DLG2: variants seen among roughly 807,000 people sequenced by gnomAD.
The protein encoded by DLG2 is disks large homolog 2.
Under a neutral mutation model 132.5 loss-of-function variants are expected in DLG2, and 45 were observed. The ratio of observed to expected loss-of-function variants is 0.34; its 90% CI spans 0.27 to 0.44. The LOEUF (loss-of-function observed/expected upper bound fraction) is 0.44. Among genes scored for constraint, DLG2 ranks in the 20% least tolerant of loss-of-function variants. DLG2 has a pLI of 1.00. For missense variants in DLG2, 1,045 were observed against 1,196.9 expected (o/e 0.87, Z 1.87); for synonymous variants, 424 against 419.6 (o/e 1.01, Z -0.13).
chr11:85,208,421 G>T (rs1297453550), intron 4 of DLG2, among the ~76,000 whole-genome samples: 1 of 151,562 alleles, frequency 6.6e-6, no homozygotes, highest in Non-Finnish European at 1.5e-5. Context: ...AGATACCTTT[G>T]TTAAGATAGC....
At chr11:83,877,879 G>C (rs1263818535) in intron 15 of DLG2, among the ~76,000 whole-genome samples, 2 of 152,150 alleles carry the variant, frequency 1.3e-5, no homozygotes, top group Non-Finnish European at 2.9e-5. Context: ...ACTACAACTG[G>C]TATTTTAAAG....
intron 19 of DLG2, among the ~76,000 whole-genome samples, chr11:83,563,069 G>A (rs1215610666): frequency 1.3e-5 from 2 of 148,470 alleles, no homozygotes; most frequent in Non-Finnish European, 3.0e-5. Flanking sequence ...CCACCTCCTG[G>A]GTTCATGCCA....
intron 3 of DLG2, among the ~76,000 whole-genome samples, chr11:85,583,591 G>T (rs2078766866): frequency 6.6e-6 from 1 of 152,114 alleles, no homozygotes; most frequent in African/African-American, 2.4e-5. Flanking sequence ...AGCACTTTCT[G>T]ATGTAAAAGT....
At chr11:85,256,643 T>G (rs1359882128) in intron 4 of DLG2, among the ~76,000 whole-genome samples, 2 of 152,180 alleles carry the variant, frequency 1.3e-5, no homozygotes, top group Non-Finnish European at 2.9e-5. Flanking sequence ...CCCGCCCATC[T>G]GCATGCTCCT....
At chr11:85,172,514 T>G (rs1417838569) in intron 4 of DLG2, among the ~76,000 whole-genome samples, 1 of 152,156 alleles carries the variant, frequency 6.6e-6, no homozygotes, top group Non-Finnish European at 1.5e-5. Flanking sequence ...TGGAACAGAA[T>G]CAATGCAAAA....
intron 6 of DLG2, among the ~76,000 whole-genome samples, chr11:85,064,616 T>C (rs2064618068): frequency 6.6e-6 from 1 of 151,850 alleles, no homozygotes; most frequent in East Asian, 1.9e-4. Context: ...CGATAGTTAG[T>C]TTTATCTCAA....
At chr11:84,901,887 T>A (rs1182465778) in intron 6 of DLG2, among the ~76,000 whole-genome samples, 1 of 152,122 alleles carries the variant, frequency 6.6e-6, no homozygotes, top group African/African-American at 2.4e-5. Context: ...TTCTTAGTGT[T>A]GAATTAAGGG....
intron 12 of DLG2, among the ~76,000 whole-genome samples, chr11:83,967,769 C>T (rs1459305252): frequency 6.6e-6 from 1 of 152,088 alleles, no homozygotes; most frequent in African/African-American, 2.4e-5. Context: ...GAGCTTTTAA[C>T]GTGATATCCA....
chr11:83,733,707 A>G (rs17159818), intron 18 of DLG2, among the ~76,000 whole-genome samples: 54,852 of 152,040 alleles, frequency 0.36, 11,631 homozygotes, highest in African/African-American at 0.59. Flanking sequence ...TCTAGCAATC[A>G]ACTTCAAATC....
intron 4 of DLG2, among the ~76,000 whole-genome samples, chr11:85,172,346 C>A (rs1045127193): frequency 3.3e-5 from 5 of 152,098 alleles, no homozygotes; most frequent in East Asian, 1.9e-4. Flanking sequence ...TAGAGTGGAC[C>A]CCCAGGAAAC....
chr11:85,367,988 T>C (rs2084683285), intron 3 of DLG2, among the ~76,000 whole-genome samples: 1 of 152,160 alleles, frequency 6.6e-6, no homozygotes, highest in Non-Finnish European at 1.5e-5. Context: ...TAGTGTTCAG[T>C]TTTTATATAC....
chr11:84,732,045 T>C (rs2153812665), intron 6 of DLG2, among the ~76,000 whole-genome samples: 1 of 152,220 alleles, frequency 6.6e-6, no homozygotes, highest in Middle Eastern at 3.4e-3. Context: ...AATATGTGTT[T>C]GGAGTCTGAA....
intron 8 of DLG2, among the ~76,000 whole-genome samples, chr11:84,194,013 CA>C (rs2096464848): frequency 6.6e-6 from 1 of 152,160 alleles, no homozygotes; most frequent in African/African-American, 2.4e-5. Flanking sequence ...ACCACAGACT[CA>C]AAGATGGAAG....
At chr11:84,121,862 T>C (rs947625376) in intron 9 of DLG2, among the ~76,000 whole-genome samples, 7 of 151,198 alleles carry the variant, frequency 4.6e-5, no homozygotes, top group Non-Finnish European at 7.4e-5. Context: ...CGCCCAGCCT[T>C]TCCTTGCTAA....
At chr11:84,487,737 T>C (rs1179508244) in intron 7 of DLG2, among the ~76,000 whole-genome samples, 1 of 151,790 alleles carries the variant, frequency 6.6e-6, no homozygotes, top group East Asian at 1.9e-4. Flanking sequence ...AGAAAAACCA[T>C]GGGGATTGTG....
At chr11:85,610,836 C>A (rs918838196) in intron 2 of DLG2, among the ~76,000 whole-genome samples, 19 of 152,202 alleles carry the variant, frequency 1.2e-4, no homozygotes, top group African/African-American at 4.6e-4. Context: ...TTATCATCAC[C>A]CTAAGACATT....
chr11:85,609,203 G>A (rs776772777), intron 2 of DLG2, among the ~76,000 whole-genome samples: 13 of 152,160 alleles, frequency 8.5e-5, no homozygotes, highest in Non-Finnish European at 1.8e-4. Context: ...GAGGCCTTAA[G>A]AAAATATACT....
chr11:84,208,242 A>T (rs2154306368), intron 8 of DLG2, among the ~76,000 whole-genome samples: 1 of 152,226 alleles, frequency 6.6e-6, no homozygotes, highest in African/African-American at 2.4e-5. Context: ...GAAATGTGTA[A>T]AACCAAACTG....
At chr11:83,796,842 T>C (rs544612213) in intron 17 of DLG2, among the ~76,000 whole-genome samples, 1 of 152,342 alleles carries the variant, frequency 6.6e-6, no homozygotes, top group Non-Finnish European at 1.5e-5. Flanking sequence ...TGTCAAGCAA[T>C]GTGCTGTTCA....
Sources: gnomAD v4.1 joint callset for allele counts (sites outside exome capture counted in the v4.1 genomes callset) on GRCh38, gnomAD v4.1.1 for gene constraint, MANE v1.5 for transcripts, NCBI Gene and HGNC (gene_info 2026-07-23, HGNC 2026-07-21) for gene names.